Variants in PIWIL4 observed in about 807,000 individuals in gnomAD.
PIWIL4 encodes piwi-like protein 4.
Under a neutral mutation model 100.9 loss-of-function variants are expected in PIWIL4, and 50 were observed. The observed-to-expected ratio is 0.50, with a 90% CI of 0.39 to 0.63. PIWIL4 has a LOEUF of 0.63. PIWIL4 is among the 20% of genes least tolerant of loss of function. The pLI, the probability that PIWIL4 is intolerant of heterozygous loss-of-function variation, is 0.00. For missense variants in PIWIL4, 887 were observed against 1,043.3 expected (o/e 0.85, Z 2.06); for synonymous variants, 342 against 367.5 (o/e 0.93, Z 0.79).
At chr11:94,584,933 G>C (rs552843968) in intron 5 of PIWIL4, among the ~76,000 whole-genome samples, 5 of 152,178 alleles carry the variant, frequency 3.3e-5, no homozygotes, top group African/African-American at 1.2e-4. Context: ...GCGTGGTGGC[G>C]CTCTTGCCTG....
chr11:94,609,792 T>C (rs1948766983), intron 15 of PIWIL4, among the ~76,000 whole-genome samples: 1 of 152,158 alleles, frequency 6.6e-6, no homozygotes, highest in Non-Finnish European at 1.5e-5. Context: ...TACAGTGTGA[T>C]GTTTTGATAT....
At chr11:94,616,615 C>A in intron 16 of PIWIL4, 52 bp downstream of exon 16, 1 of 1,407,358 alleles carries the variant, frequency 7.1e-7, no homozygotes. Flanking sequence ...TCCTTCAGAC[C>A]TCAAATCCAC....
intron 9 of PIWIL4, 24 bp from the exon 10 acceptor site, chr11:94,595,285 T>C (rs1948541371): frequency 1.9e-6 from 3 of 1,600,374 alleles, no homozygotes; most frequent in Non-Finnish European, 2.6e-6. Context: ...ATTTTCTCAC[T>C]TTGTCTTCAT....
chr11:94,619,006 C>A (rs899693603), intron 17 of PIWIL4, among the ~76,000 whole-genome samples: 6 of 152,174 alleles, frequency 3.9e-5, no homozygotes, highest in African/African-American at 1.4e-4. Flanking sequence ...AGGTATGCAA[C>A]TGAGGGATGC....
At chr11:94,600,712 T>C (rs924520540) in intron 11 of PIWIL4, among the ~76,000 whole-genome samples, 1 of 152,070 alleles carries the variant, frequency 6.6e-6, no homozygotes, top group Non-Finnish European at 1.5e-5. Context: ...AGGAGCGCTA[T>C]AGGAGACTGG....
chr11:94,585,632 A>G, intron 6 of PIWIL4, 107 bp downstream of exon 6: 2 of 713,444 alleles, frequency 2.8e-6, no homozygotes, highest in Non-Finnish European at 4.3e-6. Context: ...ACTCTGTGAT[A>G]TGAAATGTAA....
chr11:94,574,218 C>T (rs1948204101), intron 2 of PIWIL4, among the ~76,000 whole-genome samples: 1 of 152,186 alleles, frequency 6.6e-6, no homozygotes, highest in Non-Finnish European at 1.5e-5. Context: ...AGGTGAAACA[C>T]TGGCTTTTAT....
chr11:94,609,620 C>G (rs1948764816), intron 15 of PIWIL4, among the ~76,000 whole-genome samples: 1 of 151,930 alleles, frequency 6.6e-6, no homozygotes, highest in Non-Finnish European at 1.5e-5. Context: ...TGATAAAGGA[C>G]TTTCATTTTT....
At chr11:94,572,429 ATTTAAGTC>A (rs1948170089) in intron 2 of PIWIL4, among the ~76,000 whole-genome samples, 1 of 152,166 alleles carries the variant, frequency 6.6e-6, no homozygotes, top group Non-Finnish European at 1.5e-5. Context: ...TAGGTCTAAG[ATTTAAGTC>A]TTTAATCCAT....
intron 1 of PIWIL4, chr11:94,567,862 T>C: frequency 1.9e-6 from 2 of 1,051,118 alleles, no homozygotes; most frequent in Non-Finnish European, 2.3e-6. Flanking sequence ...CATTCTCTTC[T>C]ACTTTCTGAG....
chr11:94,574,140 A>G (rs1209823002), intron 2 of PIWIL4, among the ~76,000 whole-genome samples: 1 of 152,238 alleles, frequency 6.6e-6, no homozygotes, highest in African/African-American at 2.4e-5. Flanking sequence ...TTTAAACAGA[A>G]AATACTCATT....
Position 94,577,316 on chromosome 11 carries a change from T to C in PIWIL4, c.337T>C (p.Phe113Leu). Reference protein sequence around the residue: ...GIPVKLVTNLFNLDFPQDWQL... With the variant: ...GIPVKLVTNLLNLDFPQDWQL... ...ACCTGTGAAACTGGTTACAAACCTC[T>C]TTAACTTAGATTTTCCCCAAGACTG... The change falls in exon 4 of 20, where the codon TTT becomes CTT. Residue 113 changes from phenylalanine to leucine, a missense_variant. Coordinates refer to ENST00000299001, the MANE Select transcript of PIWIL4 (RefSeq NM_152431.3). 1.9e-6 allele frequency: 3 copies of C among 1,614,118 alleles called. No individual in the cohort carries two copies. In the Middle Eastern group the frequency reaches 5.0e-4, roughly 266 times the overall value.
chr11:94,615,450 C>T (rs1435663473), intron 15 of PIWIL4, among the ~76,000 whole-genome samples: 2 of 152,146 alleles, frequency 1.3e-5, no homozygotes, highest in African/African-American at 4.8e-5. Context: ...TGTGCTGGAA[C>T]GTCACCATTG....
At chr11:94,597,983 C>G (rs1948578507) in intron 11 of PIWIL4, 68 bp downstream of exon 11, 6 of 1,213,502 alleles carry the variant, frequency 4.9e-6, no homozygotes, top group Non-Finnish European at 7.2e-6. Flanking sequence ...TGTGCATTGG[C>G]CAGAGTGGCT....
chr11:94,577,324 A>G lies in PIWIL4; in HGVS notation c.345A>G (p.Leu115=). The stretch of plus-strand genomic sequence containing the variant: ...AACTGGTTACAAACCTCTTTAACTT[A>G]GATTTTCCCCAAGACTGGCAGCTAT... ...PVKLVTNLFN[L]DFPQDWQLYQ... The change falls in exon 4 of 20, where the codon TTA becomes TTG. Residue 115 remains leucine, a synonymous_variant. Coordinates refer to ENST00000299001, the MANE Select transcript of PIWIL4 (RefSeq NM_152431.3). 1 of 1,614,114 alleles carries G rather than the reference A, an allele frequency of 6.2e-7. No homozygotes were observed.
chr11:94,585,730 T>C (rs999917334), intron 6 of PIWIL4, among the ~76,000 whole-genome samples: 2 of 152,222 alleles, frequency 1.3e-5, no homozygotes, highest in African/African-American at 4.8e-5. Flanking sequence ...ATTAGTGTGA[T>C]AGATAATTAT....
chr11:94,587,253 A>G lies in PIWIL4; in HGVS notation c.914+6A>G, dbSNP rs1187747327. On this transcript the variant is annotated splice_donor_region_variant and intron_variant, in intron 7 of 19. Transcript: ENST00000299001. ...GGGCTCATTGTCCTTACAAGGTACA[A>G]GCCTGCGTCTAAATAAACTTTTCTT... 6.2e-7 allele frequency: 1 copy of G among 1,606,056 alleles called. No individual in the cohort carries two copies. Among genetic ancestry groups the G allele is most frequent in the East Asian group, 2.2e-5 (1 of 44,816 alleles).
chr11:94,583,715 A>C (rs961654275), intron 5 of PIWIL4, 146 bp downstream of exon 5: 28 of 1,052,750 alleles, frequency 2.7e-5, no homozygotes, highest in Non-Finnish European at 3.8e-5. Context: ...CTTCTCCTAC[A>C]TGAACAATAA....
intron 8 of PIWIL4, among the ~76,000 whole-genome samples, chr11:94,590,171 C>T (rs1477472681): frequency 1.3e-5 from 2 of 152,224 alleles, no homozygotes; most frequent in African/African-American, 2.4e-5. Flanking sequence ...TAGCTCCAAG[C>T]ACCTTTTCTG....
Sources: allele counts gnomAD v4.1 joint callset (sites outside exome capture counted in the v4.1 genomes callset), GRCh38; gene constraint gnomAD v4.1.1; transcripts MANE v1.5; gene names NCBI Gene and HGNC (gene_info 2026-07-23, HGNC 2026-07-21).